The following CNTN5 variants were observed in gnomAD, a reference collection of about 807,000 sequenced individuals.
CNTN5 encodes contactin-5.
CNTN5 carries 77 observed loss-of-function variants against 129.1 expected under a neutral mutation model. That is an observed-to-expected ratio of 0.60 (90% CI 0.50 to 0.72). CNTN5 has a LOEUF of 0.72. Ranked by LOEUF, CNTN5 falls within the 30% of genes least tolerant of loss-of-function variation. CNTN5 has a pLI of 0.00. For synonymous variants in CNTN5, 509 were observed against 465.6 expected, an observed-to-expected ratio of 1.09 and a Z score of -1.20; for missense variants, 1,478 against 1,328.8, an observed-to-expected ratio of 1.11 and a Z score of -1.75.
chr11:99,340,990 A>G (rs1866486213), intron 2 of CNTN5, among the ~76,000 whole-genome samples: 1 of 152,120 alleles, frequency 6.6e-6, no homozygotes, highest in African/African-American at 2.4e-5. Flanking sequence ...TTAAACAGTA[A>G]TTCATTAAAG....
chr11:99,730,555 T>C (rs1943496804), intron 3 of CNTN5, among the ~76,000 whole-genome samples: 1 of 152,228 alleles, frequency 6.6e-6, no homozygotes, highest in Non-Finnish European at 1.5e-5. Context: ...GAAGCAAGTT[T>C]ATGGTTATGT....
At chr11:99,919,941 C>T (rs1440247657) in intron 7 of CNTN5, among the ~76,000 whole-genome samples, 1 of 151,942 alleles carries the variant, frequency 6.6e-6, no homozygotes, top group Non-Finnish European at 1.5e-5. Context: ...AGGCATGAGC[C>T]ACTGGGTCCA....
chr11:99,641,613 C>T (rs1352646859), intron 3 of CNTN5, among the ~76,000 whole-genome samples: 2 of 152,028 alleles, frequency 1.3e-5, no homozygotes, highest in Non-Finnish European at 2.9e-5. Flanking sequence ...GGAATCTGGC[C>T]TATGAAAGAG....
intron 2 of CNTN5, among the ~76,000 whole-genome samples, chr11:99,436,937 C>G (rs1477706604): frequency 2.0e-5 from 3 of 152,138 alleles, no homozygotes; most frequent in Admixed American, 2.0e-4. Context: ...TCTCTACCTT[C>G]ATGATGTTAA....
chr11:99,329,914 GACACACAC>G (rs58544462), intron 2 of CNTN5, among the ~76,000 whole-genome samples: 40,806 of 140,142 alleles, frequency 0.29, 5,853 homozygotes, highest in Middle Eastern at 0.41. Context: ...TACAAGCAGT[GACACACAC>G]ACACACACAC....
intron 3 of CNTN5, among the ~76,000 whole-genome samples, chr11:99,610,691 T>A (rs1950568286): frequency 6.6e-6 from 1 of 152,056 alleles, no homozygotes; most frequent in Non-Finnish European, 1.5e-5. Flanking sequence ...GGGATTCCAG[T>A]GGCCGCATGT....
chr11:99,655,214 T>C (rs977259587), intron 3 of CNTN5, among the ~76,000 whole-genome samples: 1 of 152,070 alleles, frequency 6.6e-6, no homozygotes, highest in African/African-American at 2.4e-5. Flanking sequence ...ACAATGAGTA[T>C]CAAATCAATT....
chr11:100,355,153 AC>A (rs1952493851), intron 24 of CNTN5, among the ~76,000 whole-genome samples: 2 of 151,824 alleles, frequency 1.3e-5, no homozygotes, highest in African/African-American at 2.4e-5. Flanking sequence ...GATTAAAAAA[AC>A]ATTTTCTTTA....
At chr11:100,237,164 G>A (rs1307478757) in intron 16 of CNTN5, among the ~76,000 whole-genome samples, 1 of 149,108 alleles carries the variant, frequency 6.7e-6, no homozygotes. Context: ...ACTCCAGCCT[G>A]GGCGACAGAG....
intron 3 of CNTN5, among the ~76,000 whole-genome samples, chr11:99,797,625 A>G (rs553492406): frequency 1.3e-5 from 2 of 151,826 alleles, no homozygotes; most frequent in African/African-American, 4.8e-5. Context: ...TAATGGGCTT[A>G]TTTGTTTTTT....
chr11:99,598,367 T>C lies in CNTN5; in HGVS notation c.55+42098T>C, dbSNP rs1158552706. On this transcript the variant is annotated intron_variant, in intron 3 of 24. Transcript: ENST00000524871. Reference sequence around the variant, plus strand: ...CTCTCTCTCTCTCTCTCTCTCTCTCTCTCTCTCCCTCTCTCTCTCTGTCTC... The same window carrying C: ...CTCTCTCTCTCTCTCTCTCTCTCTCCCTCTCTCCCTCTCTCTCTCTGTCTC... Among the ~76,000 whole-genome samples the C allele has an allele frequency of 8.3e-3, 120 of 14,374 alleles. 10 individuals are homozygous for C. The highest frequency in any genetic ancestry group is 0.022 in the East Asian group (16 of 720). The allele number at this position is 14,374 out of a possible 152,430, so 9.4% of individuals were successfully genotyped here. A position where few individuals can be genotyped will look rare whatever the true frequency, so the allele number is the denominator to read the frequency against.
At position 100,052,585 on chromosome 11, in the gene CNTN5, G is replaced by A. The variant is rs539429580; in HGVS notation, c.981-8627G>A. 4.6e-5 allele frequency among the ~76,000 whole-genome samples: 7 copies of A among 151,870 alleles called. No homozygotes were observed. In the East Asian group the frequency reaches 5.8e-4, roughly 13 times the overall value. ...GAATACCAAAATAAGGAGATATACC[G>A]TGTTCATGGAATACAAGACTCAATA... On this transcript the variant is annotated intron_variant, in intron 9 of 24. Coordinates refer to ENST00000524871, the MANE Select transcript of CNTN5 (RefSeq NM_014361.4).
At chr11:99,569,400 G>A (rs1591292983) in intron 3 of CNTN5, among the ~76,000 whole-genome samples, 1 of 152,058 alleles carries the variant, frequency 6.6e-6, no homozygotes, top group Admixed American at 6.6e-5. Flanking sequence ...TGCAAGCTCC[G>A]CCTCCCGGGT....
At chr11:99,164,852 CAT>C (rs1240943095) in intron 1 of CNTN5, among the ~76,000 whole-genome samples, 2 of 152,004 alleles carry the variant, frequency 1.3e-5, no homozygotes, top group Non-Finnish European at 2.9e-5. Context: ...GTTGTGTATT[CAT>C]ATGTTTATAA....
chr11:99,620,027 A>AAAAAAAAAAAAAAAACCCAAAAAG (rs1555049924), intron 3 of CNTN5, among the ~76,000 whole-genome samples: 1 of 129,046 alleles, frequency 7.7e-6, no homozygotes, highest in Non-Finnish European at 1.6e-5. Flanking sequence ...CTCCGTCTCA[A>AAAAAAAAAAAAAAAACCCAAAAAG]AAAAAAAAAA....
chr11:100,100,550 G>A (rs1945183666), intron 13 of CNTN5, among the ~76,000 whole-genome samples: 1 of 151,994 alleles, frequency 6.6e-6, no homozygotes, highest in Non-Finnish European at 1.5e-5. Context: ...CTTTGAAGCT[G>A]GCATCTGTAG....
At chr11:99,989,849 T>C (rs1177443891) in intron 8 of CNTN5, among the ~76,000 whole-genome samples, 1 of 152,138 alleles carries the variant, frequency 6.6e-6, no homozygotes, top group African/African-American at 2.4e-5. Context: ...CACTGCAACC[T>C]CCGCCTCCTG....
intron 1 of CNTN5, among the ~76,000 whole-genome samples, chr11:99,188,870 ACT>A (rs1306006530): frequency 6.6e-6 from 1 of 151,590 alleles, no homozygotes; most frequent in Non-Finnish European, 1.5e-5. Context: ...GCAGTTTTCT[ACT>A]CTCTTAGGAA....
At chr11:100,168,316 C>A (rs548858838) in intron 13 of CNTN5, among the ~76,000 whole-genome samples, 1 of 151,916 alleles carries the variant, frequency 6.6e-6, no homozygotes, top group African/African-American at 2.4e-5. Context: ...ATGCCGTCTA[C>A]GACTTCCAAA....
Sources: gnomAD v4.1 joint callset for allele counts (sites outside exome capture counted in the v4.1 genomes callset) on GRCh38, gnomAD v4.1.1 for gene constraint, MANE v1.5 for transcripts, NCBI Gene and HGNC (gene_info 2026-07-23, HGNC 2026-07-21) for gene names.